NMNAT2: variants seen among roughly 807,000 people sequenced by gnomAD.
NMNAT2 encodes the protein nicotinamide nucleotide adenylyltransferase 2.
NMNAT2 carries 11 observed loss-of-function variants against 41.6 expected under a neutral mutation model. The ratio of observed to expected loss-of-function variants is 0.26; its 90% CI spans 0.17 to 0.44. NMNAT2 has a LOEUF of 0.44. NMNAT2 is among the 20% of genes least tolerant of loss of function. The pLI is 1.00. For synonymous variants in NMNAT2, 148 were observed against 151.2 expected (o/e 0.98, Z 0.16); for missense variants, 288 against 407.7 (o/e 0.71, Z 2.53).
chr1:183,278,720 C>T (rs969284611), intron 7 of NMNAT2, 91 bp from the exon 8 acceptor site: 1 of 887,610 alleles, frequency 1.1e-6, no homozygotes, highest in Non-Finnish European at 1.9e-6. Context: ...GAATACATAA[C>T]TCTCCCACCT....
intron 1 of NMNAT2, among the ~76,000 whole-genome samples, chr1:183,388,951 G>A (rs563052663): frequency 5.3e-5 from 8 of 152,174 alleles, no homozygotes; most frequent in Non-Finnish European, 8.8e-5. Context: ...GTATACCAAC[G>A]TGATTCCATT....
chr1:183,368,461 A>G (rs1178239601), intron 1 of NMNAT2, among the ~76,000 whole-genome samples: 5 of 152,182 alleles, frequency 3.3e-5, no homozygotes, highest in African/African-American at 1.2e-4. Flanking sequence ...CACACCACAC[A>G]ATAAATGCCA....
At chr1:183,287,627 G>A (rs1661432126) in intron 4 of NMNAT2, among the ~76,000 whole-genome samples, 1 of 152,252 alleles carries the variant, frequency 6.6e-6, no homozygotes, top group South Asian at 2.1e-4. Flanking sequence ...CCAAGGTGAT[G>A]GGGAGAGTAG....
chr1:183,364,794 C>G (rs1008113653), intron 1 of NMNAT2, among the ~76,000 whole-genome samples: 3 of 152,064 alleles, frequency 2.0e-5, no homozygotes, highest in African/African-American at 7.2e-5. Context: ...CAGGTTCAAG[C>G]GATTCTCCTG....
At chr1:183,336,755 A>G (rs1355992228) in intron 1 of NMNAT2, among the ~76,000 whole-genome samples, 1 of 152,238 alleles carries the variant, frequency 6.6e-6, no homozygotes, top group Non-Finnish European at 1.5e-5. Context: ...ATACTTACAC[A>G]AGAATGTTTC....
chr1:183,301,088 C>G (rs1661838685), intron 1 of NMNAT2, among the ~76,000 whole-genome samples: 2 of 152,126 alleles, frequency 1.3e-5, no homozygotes, highest in African/African-American at 4.8e-5. Flanking sequence ...GGATTTTTTG[C>G]AGTGATTTTG....
At chr1:183,401,433 G>A (rs1648804987) in intron 1 of NMNAT2, among the ~76,000 whole-genome samples, 1 of 152,206 alleles carries the variant, frequency 6.6e-6, no homozygotes, top group African/African-American at 2.4e-5. Context: ...TGGAGAGGAT[G>A]TGGAGAAATA....
At chr1:183,391,666 T>G (rs1648486046) in intron 1 of NMNAT2, among the ~76,000 whole-genome samples, 1 of 152,200 alleles carries the variant, frequency 6.6e-6, no homozygotes, top group Non-Finnish European at 1.5e-5. Flanking sequence ...CTCCTTTTAC[T>G]TTCTGACACT....
intron 1 of NMNAT2, among the ~76,000 whole-genome samples, chr1:183,417,616 C>CCAGGA (rs1649292803): frequency 1.3e-5 from 2 of 152,206 alleles, no homozygotes; most frequent in African/African-American, 2.4e-5. Flanking sequence ...GCCCACAATT[C>CCAGGA]CCAAACACTG....
chr1:183,404,202 G>A (rs546068175), intron 1 of NMNAT2, among the ~76,000 whole-genome samples: 4 of 151,272 alleles, frequency 2.6e-5, no homozygotes, highest in South Asian at 2.1e-4. Flanking sequence ...AGGTTCAAGC[G>A]ATTTTCCTGC....
intron 1 of NMNAT2, among the ~76,000 whole-genome samples, chr1:183,295,105 G>A (rs1002520854): frequency 5.3e-5 from 8 of 152,156 alleles, no homozygotes; most frequent in Non-Finnish European, 1.2e-4. Flanking sequence ...CTGGGTTCAA[G>A]CAATTCTCAT....
chr1:183,314,033 C>T (rs767928671), intron 1 of NMNAT2, among the ~76,000 whole-genome samples: 4 of 152,160 alleles, frequency 2.6e-5, no homozygotes, highest in Non-Finnish European at 4.4e-5. Context: ...ACAGGCTCTG[C>T]CAACAGCAAT....
intron 1 of NMNAT2, among the ~76,000 whole-genome samples, chr1:183,383,400 A>G (rs764453708): frequency 6.6e-6 from 1 of 152,192 alleles, no homozygotes; most frequent in Non-Finnish European, 1.5e-5. Flanking sequence ...TAGACTCCTC[A>G]TTACTTGTGC....
At chr1:183,374,824 C>T (rs996519627) in intron 1 of NMNAT2, among the ~76,000 whole-genome samples, 2 of 152,124 alleles carry the variant, frequency 1.3e-5, no homozygotes, top group African/African-American at 4.8e-5. Flanking sequence ...GGGCTGACAG[C>T]CACACTGAGT....
intron 1 of NMNAT2, among the ~76,000 whole-genome samples, chr1:183,362,084 A>G (rs1571619663): frequency 6.6e-6 from 1 of 151,982 alleles, no homozygotes; most frequent in South Asian, 2.1e-4. Flanking sequence ...GATTACAGGC[A>G]CCTGCCACCA....
At chr1:183,301,572 T>C (rs1661853843) in intron 1 of NMNAT2, among the ~76,000 whole-genome samples, 1 of 152,236 alleles carries the variant, frequency 6.6e-6, no homozygotes, top group Non-Finnish European at 1.5e-5. Flanking sequence ...CCATCTTTGC[T>C]CCTGTGCTCA....
chr1:183,273,448 C>A (rs1484955540), intron 8 of NMNAT2, among the ~76,000 whole-genome samples: 2 of 152,202 alleles, frequency 1.3e-5, no homozygotes, highest in Non-Finnish European at 2.9e-5. Flanking sequence ...ACGAATGAAA[C>A]CTGAAACAGA....
intron 1 of NMNAT2, among the ~76,000 whole-genome samples, chr1:183,314,541 T>C (rs903671744): frequency 6.6e-6 from 1 of 152,244 alleles, no homozygotes; most frequent in African/African-American, 2.4e-5. Context: ...TTACTGTTTG[T>C]TGGGTTAAAC....
chr1:183,347,420 C>T (rs1464060572), intron 1 of NMNAT2, among the ~76,000 whole-genome samples: 1 of 152,124 alleles, frequency 6.6e-6, no homozygotes, highest in Admixed American at 6.5e-5. Context: ...CGTACCACCG[C>T]ACTCCAGTCT....
Sources: gnomAD v4.1 joint callset for allele counts (sites outside exome capture counted in the v4.1 genomes callset) on GRCh38, gnomAD v4.1.1 for gene constraint, MANE v1.5 for transcripts, NCBI Gene and HGNC (gene_info 2026-07-23, HGNC 2026-07-21) for gene names.